RBMS1: variants seen among roughly 807,000 people sequenced by gnomAD.
The protein encoded by RBMS1 is RNA binding motif single stranded interacting protein 1, also known as RNA-binding motif, single-stranded-interacting protein 1.
Under a neutral mutation model 62.3 loss-of-function variants are expected in RBMS1, and 17 were observed. The ratio of observed to expected loss-of-function variants is 0.27; its 90% CI spans 0.19 to 0.41. RBMS1 has a LOEUF of 0.41. Among genes scored for constraint, RBMS1 ranks in the 10% least tolerant of loss-of-function variants. The pLI, the probability that RBMS1 is intolerant of heterozygous loss-of-function variation, is 1.00. For missense variants in RBMS1, 334 were observed against 504.5 expected (o/e 0.66, Z 3.24); for synonymous variants, 172 against 170.0 (o/e 1.01, Z -0.09).
chr2:160,479,956 A>C (rs1685299484), intron 1 of RBMS1, among the ~76,000 whole-genome samples: 1 of 152,186 alleles, frequency 6.6e-6, no homozygotes, highest in Non-Finnish European at 1.5e-5. Context: ...TCAAAGCTTA[A>C]AACTTTCAAT....
At chr2:160,439,926 G>A (rs1358938020) in intron 1 of RBMS1, among the ~76,000 whole-genome samples, 4 of 151,882 alleles carry the variant, frequency 2.6e-5, no homozygotes, top group Admixed American at 6.6e-5. Flanking sequence ...GTGGCGGCGC[G>A]CGCCTGCAAT....
At chr2:160,386,342 C>T (rs1297277556) in intron 1 of RBMS1, among the ~76,000 whole-genome samples, 1 of 152,116 alleles carries the variant, frequency 6.6e-6, no homozygotes, top group Non-Finnish European at 1.5e-5. Context: ...TCGAGACCAG[C>T]CTGACCAACA....
At chr2:160,466,759 TAAGTGAAGCTCTGCTTC>T (rs1367930688) in intron 1 of RBMS1, among the ~76,000 whole-genome samples, 2 of 152,140 alleles carry the variant, frequency 1.3e-5, no homozygotes, top group African/African-American at 2.4e-5. Context: ...AACAAAAAGC[TAAGTGAAGCTCTGCTTC>T]AAGGGAAGCA....
At chr2:160,385,099 C>T (rs758530913) in intron 1 of RBMS1, among the ~76,000 whole-genome samples, 18 of 152,162 alleles carry the variant, frequency 1.2e-4, no homozygotes, top group Non-Finnish European at 2.4e-4. Flanking sequence ...GATGGTGGTG[C>T]CATGCCTCCT....
intron 2 of RBMS1, among the ~76,000 whole-genome samples, chr2:160,349,199 G>C (rs1321230909): frequency 6.6e-6 from 1 of 152,098 alleles, no homozygotes; most frequent in Admixed American, 6.6e-5. Context: ...TGCCAGGAGA[G>C]AGGAAATGAG....
intron 6 of RBMS1, among the ~76,000 whole-genome samples, chr2:160,290,134 C>A (rs554188283): frequency 1.4e-5 from 2 of 144,196 alleles, no homozygotes; most frequent in African/African-American, 5.2e-5. Flanking sequence ...ACCAAACCAG[C>A]GGTAGTCCCT....
chr2:160,420,145 G>C (rs1247779828), intron 1 of RBMS1, among the ~76,000 whole-genome samples: 1 of 152,092 alleles, frequency 6.6e-6, no homozygotes, highest in East Asian at 1.9e-4. Context: ...CTCTTTGGCT[G>C]TATCACTCTA....
intron 1 of RBMS1, among the ~76,000 whole-genome samples, chr2:160,435,492 AG>A (rs1322105153): frequency 6.6e-6 from 1 of 152,236 alleles, no homozygotes; most frequent in Non-Finnish European, 1.5e-5. Context: ...TATTTAATAA[AG>A]GAACGATTAT....
intron 2 of RBMS1, among the ~76,000 whole-genome samples, chr2:160,360,252 G>C (rs1016048403): frequency 1.3e-5 from 2 of 152,130 alleles, no homozygotes; most frequent in Non-Finnish European, 2.9e-5. Flanking sequence ...AAAAGTCGGT[G>C]CCTTTCATGT....
intron 1 of RBMS1, among the ~76,000 whole-genome samples, chr2:160,374,552 A>C (rs893472964): frequency 2.0e-5 from 3 of 152,156 alleles, no homozygotes; most frequent in African/African-American, 7.2e-5. Flanking sequence ...AAACACAGTA[A>C]ATGAAGAGCA....
chr2:160,370,719 G>A (rs79735032), intron 1 of RBMS1, among the ~76,000 whole-genome samples: 1,710 of 152,288 alleles, frequency 0.011, 39 homozygotes, highest in African/African-American at 0.037. Flanking sequence ...CACTTTCTAT[G>A]TCCTGAATGC....
chr2:160,369,001 C>T (rs1386056016), intron 1 of RBMS1, among the ~76,000 whole-genome samples: 2 of 152,194 alleles, frequency 1.3e-5, no homozygotes, highest in Non-Finnish European at 2.9e-5. Context: ...CTTCCTTCCA[C>T]TGCCCAGGTT....
intron 4 of RBMS1, among the ~76,000 whole-genome samples, chr2:160,311,535 G>T (rs1016232291): frequency 1.3e-5 from 2 of 151,932 alleles, no homozygotes; most frequent in African/African-American, 4.8e-5. Context: ...GTATGTAAAT[G>T]CTTCTCAGGG....
intron 1 of RBMS1, among the ~76,000 whole-genome samples, chr2:160,441,367 G>T (rs1213011807): frequency 6.6e-6 from 1 of 152,104 alleles, no homozygotes; most frequent in African/African-American, 2.4e-5. Context: ...TTTATTTCTT[G>T]TTGGTAAATA....
intron 1 of RBMS1, among the ~76,000 whole-genome samples, chr2:160,439,541 GC>G (rs1037118997): frequency 4.6e-5 from 7 of 151,904 alleles, no homozygotes; most frequent in African/African-American, 1.7e-4. Flanking sequence ...TGGGATGGCG[GC>G]CGGGCAGAGA....
chr2:160,396,550 C>CTTTTTTTTT (rs59600753), intron 1 of RBMS1, among the ~76,000 whole-genome samples: 24 of 77,858 alleles, frequency 3.1e-4, no homozygotes, highest in Non-Finnish European at 3.3e-4. Context: ...TTCTTTTTAT[C>CTTTTTTTTT]TTTTTTTTTT....
rs376157624 is a variant in RBMS1 at position 160,421,938 on chromosome 2, A to C, written c.76-54547T>G. Among the ~76,000 whole-genome samples the C allele has an allele frequency of 7.9e-5, 12 of 152,286 alleles. No homozygotes were observed. The South Asian group carries it at 2.3e-3, about 29-fold the overall frequency. The stretch of plus-strand genomic sequence containing the variant: ...TTTTCATGTGTCTGTTGGCTGCATA[A>C]ATGTCTTCACTCTAACTCATTCTAT... On this transcript the variant is annotated intron_variant, in intron 1 of 13. Coordinates refer to ENST00000348849, the MANE Select transcript of RBMS1 (RefSeq NM_016836.4).
At chr2:160,370,068 T>A (rs535177971) in intron 1 of RBMS1, among the ~76,000 whole-genome samples, 1 of 152,284 alleles carries the variant, frequency 6.6e-6, no homozygotes, top group East Asian at 1.9e-4. Context: ...CTTCCCCTGT[T>A]AAGTTTCCCC....
chr2:160,282,427 A>C, intron 9 of RBMS1: 1 of 749,118 alleles, frequency 1.3e-6, no homozygotes, highest in Middle Eastern at 3.0e-4. Flanking sequence ...CAATTGCATA[A>C]GCTTATGGTG....
Sources: allele counts gnomAD v4.1 joint callset (sites outside exome capture counted in the v4.1 genomes callset), GRCh38; gene constraint gnomAD v4.1.1; transcripts MANE v1.5; gene names NCBI Gene and HGNC (gene_info 2026-07-23, HGNC 2026-07-21).